The following MAD1L1 variants were observed in gnomAD, a reference collection of about 807,000 sequenced individuals.
MAD1L1 encodes mitotic spindle assembly checkpoint protein MAD1.
MAD1L1 carries 95 observed loss-of-function variants against 96.9 expected under a neutral mutation model. The ratio of observed to expected loss-of-function variants is 0.98; its 90% CI spans 0.83 to 1.16. The LOEUF is 1.16. Ranked by LOEUF, MAD1L1 falls within the 50% of genes most tolerant of loss-of-function variation. The pLI is 0.00. For missense variants in MAD1L1, 1,007 were observed against 954.4 expected (o/e 1.06, Z -0.73); for synonymous variants, 473 against 396.6 (o/e 1.19, Z -2.29).
chr7:1,860,120 C>T (rs1398342677), intron 18 of MAD1L1, among the ~76,000 whole-genome samples: 18 of 139,432 alleles, frequency 1.3e-4, no homozygotes, highest in South Asian at 4.8e-4. Context: ...CTCTGTGTCC[C>T]TAGACCTGAC....
At chr7:2,007,528 G>C (rs1782088536) in intron 13 of MAD1L1, among the ~76,000 whole-genome samples, 1 of 150,504 alleles carries the variant, frequency 6.6e-6, no homozygotes, top group Non-Finnish European at 1.5e-5. Context: ...ACAAAAATTA[G>C]CTGGGTGTGG....
chr7:1,965,000 GC>G (rs1185526141), intron 15 of MAD1L1, among the ~76,000 whole-genome samples: 1 of 152,128 alleles, frequency 6.6e-6, no homozygotes, highest in Non-Finnish European at 1.5e-5. Context: ...TGCACTGCCC[GC>G]CAGCCCCTCC....
chr7:2,048,233 C>T lies in MAD1L1; in HGVS notation c.1218+20961G>A, dbSNP rs568776440. Among the ~76,000 whole-genome samples the T allele has an allele frequency of 2.0e-5, 3 of 152,360 alleles. No individual in the cohort carries two copies. The South Asian group carries it at 6.2e-4, about 32-fold the overall frequency. On this transcript the variant is annotated intron_variant, in intron 12 of 18. Coordinates refer to ENST00000265854, the MANE Select transcript of MAD1L1 (RefSeq NM_001013836.2). ...CGTGCTCTCAGACACCATGCTCCAG[C>T]ACCCTAGTCGGGCAGCGGGGTAGGT...
At chr7:2,124,049 G>C (rs765148113) in intron 11 of MAD1L1, among the ~76,000 whole-genome samples, 2 of 152,198 alleles carry the variant, frequency 1.3e-5, no homozygotes, top group Non-Finnish European at 2.9e-5. Flanking sequence ...CTCTAGACGG[G>C]GAAGCCGGGC....
intron 12 of MAD1L1, among the ~76,000 whole-genome samples, chr7:2,041,633 T>A (rs1562630414): frequency 6.6e-6 from 1 of 152,182 alleles, no homozygotes; most frequent in African/African-American, 2.4e-5. Context: ...TTAACTTACA[T>A]CCAGCTGCAT....
At position 1,909,141 on chromosome 7, in the gene MAD1L1, T is replaced by A. The variant is rs1052711242; in HGVS notation, c.1808-10751A>T. Among the ~76,000 whole-genome samples the A allele has an allele frequency of 7.9e-5, 12 of 152,264 alleles. No homozygotes were observed. In the South Asian group the frequency reaches 2.3e-3, roughly 29 times the overall value. On this transcript the variant is annotated intron_variant, in intron 17 of 18. Transcript: ENST00000265854. The stretch of plus-strand genomic sequence containing the variant: ...GCCCGACACCGGCGTGGTGTACTAG[T>A]AGGTGACGCAGAGGCCTCCACATCA...
At chr7:1,846,967 C>T (rs1231740223) in intron 18 of MAD1L1, 10 of 323,584 alleles carry the variant, frequency 3.1e-5, no homozygotes, top group Non-Finnish European at 6.0e-5. Context: ...GGGACGGTCG[C>T]CTCCTGCTGA....
intron 7 of MAD1L1, among the ~76,000 whole-genome samples, chr7:2,217,451 G>A (rs560383589): frequency 6.6e-6 from 1 of 152,330 alleles, no homozygotes; most frequent in East Asian, 1.9e-4. Context: ...TGTGAAGCCT[G>A]GAGGTGAGGG....
intron 11 of MAD1L1, among the ~76,000 whole-genome samples, chr7:2,080,298 G>A (rs971511298): frequency 1.3e-5 from 2 of 152,228 alleles, no homozygotes; most frequent in African/African-American, 4.8e-5. Flanking sequence ...TCTTTACAGA[G>A]AAAGGTTACC....
At chr7:2,099,179 G>A (rs541783732) in intron 11 of MAD1L1, among the ~76,000 whole-genome samples, 23 of 152,142 alleles carry the variant, frequency 1.5e-4, no homozygotes, top group African/African-American at 9.7e-5. Context: ...CCAACGCACC[G>A]CTAACACTGG....
At chr7:2,094,681 G>C (rs552346543) in intron 11 of MAD1L1, among the ~76,000 whole-genome samples, 2 of 152,158 alleles carry the variant, frequency 1.3e-5, no homozygotes, top group Non-Finnish European at 2.9e-5. Context: ...GAAGGCCCCG[G>C]GACAGGAGCG....
intron 18 of MAD1L1, among the ~76,000 whole-genome samples, chr7:1,834,822 A>C (rs1263039390): frequency 6.6e-6 from 1 of 152,078 alleles, no homozygotes; most frequent in African/African-American, 2.4e-5. Context: ...GACCAACATT[A>C]CTATGATATA....
intron 13 of MAD1L1, among the ~76,000 whole-genome samples, chr7:2,013,609 T>C (rs979789953): frequency 5.9e-5 from 9 of 152,180 alleles, no homozygotes; most frequent in African/African-American, 1.7e-4. Flanking sequence ...CAGAGCAGAA[T>C]GGTAAGGCAC....
At chr7:2,004,811 C>T (rs763207552) in intron 13 of MAD1L1, among the ~76,000 whole-genome samples, 3 of 152,236 alleles carry the variant, frequency 2.0e-5, no homozygotes, top group Non-Finnish European at 2.9e-5. Flanking sequence ...CGTCCACCTC[C>T]GTACCAGCCC....
intron 18 of MAD1L1, among the ~76,000 whole-genome samples, chr7:1,872,037 G>A (rs547842764): frequency 1.3e-5 from 2 of 152,260 alleles, no homozygotes; most frequent in South Asian, 4.1e-4. Context: ...ACTCCCAGGC[G>A]GCAGCTCCTG....
chr7:2,027,659 A>G (rs923708634), intron 12 of MAD1L1, among the ~76,000 whole-genome samples: 3 of 152,260 alleles, frequency 2.0e-5, no homozygotes, highest in African/African-American at 7.2e-5. Context: ...TATTCACGAT[A>G]AAAACTATGA....
Position 2,069,347 on chromosome 7 carries a change from G to A in MAD1L1, c.1074-9C>T, listed in dbSNP as rs73048940. The A allele has an allele frequency of 5.7e-6, 9 of 1,579,416 alleles. No individual in the cohort carries two copies. The highest frequency in any genetic ancestry group is 2.1e-4 in the Middle Eastern group (1 of 4,740). ...TCTCCAGCCCCCGGGCGCTGCATGG[G>A]AGAGACAAGAGGGCAAAGCAATGAA... On this transcript the variant is annotated splice_polypyrimidine_tract_variant and intron_variant, in intron 11 of 18. Transcript: ENST00000265854.
At chr7:2,050,272 G>A (rs915485730) in intron 12 of MAD1L1, among the ~76,000 whole-genome samples, 1 of 152,184 alleles carries the variant, frequency 6.6e-6, no homozygotes, top group Non-Finnish European at 1.5e-5. Context: ...GCACTCCTAC[G>A]AGAGCTAAGC....
chr7:2,082,128 G>C (rs968310933), intron 11 of MAD1L1, among the ~76,000 whole-genome samples: 1 of 152,148 alleles, frequency 6.6e-6, no homozygotes, highest in South Asian at 2.1e-4. Flanking sequence ...CAAGCTCCCG[G>C]GAACACCTGC....
Sources: allele counts gnomAD v4.1 joint callset (sites outside exome capture counted in the v4.1 genomes callset), GRCh38; gene constraint gnomAD v4.1.1; transcripts MANE v1.5; gene names NCBI Gene and HGNC (gene_info 2026-07-23, HGNC 2026-07-21).